The following CLTC variants were observed in gnomAD, a reference collection of about 807,000 sequenced individuals.
CLTC encodes clathrin heavy chain 1.
A neutral mutation model predicts 195.8 loss-of-function variants in CLTC; 16 were observed. The ratio of observed to expected loss-of-function variants is 0.08; its 90% CI spans 0.06 to 0.12. The LOEUF is 0.12. Ranked by LOEUF, CLTC falls within the 10% of genes least tolerant of loss-of-function variation. CLTC has a pLI of 1.00. For synonymous variants in CLTC, 667 were observed against 689.4 expected, an observed-to-expected ratio of 0.97 and a Z score of 0.51; for missense variants, 796 against 2,027.0, an observed-to-expected ratio of 0.39 and a Z score of 11.66.
chr17:59,637,533 C>T lies in CLTC; in HGVS notation c.43-6743C>T, dbSNP rs1405012548. Among the ~76,000 whole-genome samples, 16 of 143,618 alleles carry T rather than the reference C, an allele frequency of 1.1e-4. No individual in the cohort carries two copies. The East Asian group carries it at 1.3e-3, about 11-fold the overall frequency. The allele number at this position is 143,618 out of a possible 152,430, so 94.2% of individuals were successfully genotyped here. ...TGCTGGGATTACAGGCATGAGCCACCGTGCCCAGCCTGAAGTTTCTTAAAA... is the reference window on the plus strand; with the variant it reads ...TGCTGGGATTACAGGCATGAGCCACTGTGCCCAGCCTGAAGTTTCTTAAAA... On this transcript the variant is annotated intron_variant, in intron 1 of 31. Coordinates refer to ENST00000269122, the MANE Select transcript of CLTC (RefSeq NM_004859.4).
chr17:59,646,452 C>G (rs984366871), intron 2 of CLTC, among the ~76,000 whole-genome samples: 1 of 138,336 alleles, frequency 7.2e-6, no homozygotes, highest in Non-Finnish European at 1.5e-5. Context: ...TATGTTTTGC[C>G]CCCCTTCTTT....
At position 59,685,766 on chromosome 17, in the gene CLTC, C is replaced by G. The variant is rs1567973032; in HGVS notation, c.4785C>G (p.Ala1595=). The G allele has an allele frequency of 1.2e-6, 2 of 1,613,938 alleles. No individual in the cohort carries two copies. The highest frequency in any genetic ancestry group is 2.7e-5 in the African/African-American group (2 of 74,908). ...TAWRHNIMDF[A]MPYFIQVMKE... ...GGAGGCACAATATCATGGATTTTGC[C>G]ATGCCCTATTTCATCCAGGTCATGA... The change falls in exon 30 of 32, where the codon GCC becomes GCG. Residue 1595 remains alanine (A), a synonymous_variant. Transcript: ENST00000269122. The surrounding 1 kb of genome is among the most constrained non-coding windows in gnomAD (Gnocchi z 5.0).
rs1451424896 is a variant in CLTC, at chr17:59,696,530, A to T, written c.*2678A>T. On this transcript the variant is annotated 3_prime_UTR_variant, in exon 32 of 32. Transcript: ENST00000269122. ...TATCCTCCTAAAAGAAGGCTTAAAT[A>T]GTTTCTAACAAGATGACTATCAGGA... The T allele has an allele frequency of 4.7e-6, 1 of 214,466 alleles. No homozygotes were observed. Among genetic ancestry groups the T allele is most frequent in the African/African-American group, 2.3e-5 (1 of 44,294 alleles). The allele number at this position is 214,466 out of a possible 1,614,324, so 13.3% of individuals were successfully genotyped here. A position where few individuals can be genotyped will look rare whatever the true frequency, so the allele number is the denominator to read the frequency against.
chr17:59,689,430 T>C (rs1484385452), intron 30 of CLTC: 1 of 152,206 alleles, frequency 6.6e-6, no homozygotes, highest in Non-Finnish European at 1.5e-5. Flanking sequence ...ACAATTTTTT[T>C]TTTTGAGTGA....
rs562858554 is a variant in CLTC, at chr17:59,681,187, C to G, written c.3066-108C>G. The stretch of plus-strand genomic sequence containing the variant: ...TTCTCACTCTTCTAATATCCTCCCC[C>G]CTACCCTACCTCTTGAGACAAAAAC... On this transcript the variant is annotated intron_variant, in intron 19 of 31. Transcript: ENST00000269122. The surrounding 1 kb of genome is among the most constrained non-coding windows in gnomAD (Gnocchi z 5.0). 241 of 1,438,312 alleles carry G rather than the reference C, an allele frequency of 1.7e-4. No homozygotes were observed. The highest frequency in any genetic ancestry group is 4.3e-4 in the Admixed American group (21 of 49,148). 89.1% of individuals were successfully genotyped at this position (1,438,312 alleles called of 1,614,324 possible). A position where few individuals can be genotyped will look rare whatever the true frequency, so the allele number is the denominator to read the frequency against.
At position 59,685,853 on chromosome 17, in the gene CLTC, T is replaced by A; in HGVS notation, c.4827+45T>A. Reference sequence around the variant, plus strand: ...TATTCAGAACTAGTTTCCTTGCATGTAAAATTCTACATGCACATTAATTTT... The same window carrying A: ...TATTCAGAACTAGTTTCCTTGCATGAAAAATTCTACATGCACATTAATTTT... On this transcript the variant is annotated intron_variant, in intron 30 of 31. Transcript: ENST00000269122. The surrounding 1 kb of genome is among the most constrained non-coding windows in gnomAD (Gnocchi z 5.0). 1 of 1,394,368 alleles carries A rather than the reference T, an allele frequency of 7.2e-7. No homozygotes were observed. The highest frequency in any genetic ancestry group is 9.8e-7 in the Non-Finnish European group (1 of 1,020,430). 86.4% of individuals were successfully genotyped at this position (1,394,368 alleles called of 1,614,324 possible).
intron 1 of CLTC, among the ~76,000 whole-genome samples, chr17:59,636,932 CT>C (rs771908096): frequency 0.11 from 11,493 of 103,700 alleles, 321 homozygotes; most frequent in Middle Eastern, 0.21. Flanking sequence ...CCGGCTAATT[CT>C]TTTTTTTTTT....
chr17:59,636,796 CTT>C (rs776534825), intron 1 of CLTC, among the ~76,000 whole-genome samples: 3 of 150,402 alleles, frequency 2.0e-5, no homozygotes, highest in Admixed American at 6.6e-5. Flanking sequence ...GAGTTTCACT[CTT>C]GTTGCCCAGG....
chr17:59,629,518 A>ATTT lies in CLTC; in HGVS notation c.42+9363_42+9365dup, dbSNP rs5821273. Among the ~76,000 whole-genome samples the ATTT allele has an allele frequency of 8.2e-3, 1,034 of 126,018 alleles. 32 individuals carry two copies. The highest frequency in any genetic ancestry group is 0.016 in the East Asian group (69 of 4,372). The allele number at this position is 126,018 out of a possible 152,430, so 82.7% of individuals were successfully genotyped here. A position where few individuals can be genotyped will look rare whatever the true frequency, so the allele number is the denominator to read the frequency against. ...TTCGGGCATGTTTCTAGAGATCATAATTTTTTTTTTTTTTTTTTTTGAGAT... is the reference window on the plus strand; with the variant it reads ...TTCGGGCATGTTTCTAGAGATCATAATTTTTTTTTTTTTTTTTTTTTTTGAGAT... On this transcript the variant is annotated intron_variant, in intron 1 of 31. Transcript: ENST00000269122.
intron 31 of CLTC, 79 bp downstream of exon 31, chr17:59,690,790 C>T (rs1182225906): frequency 5.3e-5 from 58 of 1,091,726 alleles, no homozygotes; most frequent in Non-Finnish European, 7.9e-5. Flanking sequence ...AAATAGAATA[C>T]AACAAGCTTC....
rs1266241197 is a variant in CLTC at position 59,695,564 on chromosome 17, C to T, written c.*1712C>T. 1 of 178,284 alleles carries T rather than the reference C, an allele frequency of 5.6e-6. No homozygotes were observed. The highest frequency in any genetic ancestry group is 1.2e-5 in the Non-Finnish European group (1 of 83,182). 11.0% of individuals were successfully genotyped at this position (178,284 alleles called of 1,614,324 possible). ...TAGCTGCTACTCAGGAGGCAGGAGGCTGAGGCATGAGAATCACTTGAACCT... is the reference window on the plus strand; with the variant it reads ...TAGCTGCTACTCAGGAGGCAGGAGGTTGAGGCATGAGAATCACTTGAACCT... On this transcript the variant is annotated 3_prime_UTR_variant, in exon 32 of 32. Coordinates refer to ENST00000269122, the MANE Select transcript of CLTC (RefSeq NM_004859.4).
chr17:59,661,349 T>C, intron 7 of CLTC, 94 bp from the exon 8 acceptor site: 1 of 895,002 alleles, frequency 1.1e-6, no homozygotes, highest in South Asian at 1.4e-5. Context: ...CTCTACAGGG[T>C]GTTTAGTGTG....
At position 59,648,057 on chromosome 17, in the gene CLTC, CAA is replaced by C; in HGVS notation, c.520-182_520-181del. 6.6e-6 allele frequency among the ~76,000 whole-genome samples: 1 copy of C among 152,106 alleles called. No homozygotes were observed. The highest frequency in any genetic ancestry group is 1.5e-5 in the Non-Finnish European group (1 of 68,008). On this transcript the variant is annotated intron_variant, in intron 3 of 31. Coordinates refer to ENST00000269122, the MANE Select transcript of CLTC (RefSeq NM_004859.4). The surrounding 1 kb of genome is among the most constrained non-coding windows in gnomAD (Gnocchi z 4.5). ...TTTAAACATTTATGTTAGGCTTTAACAAGATAATGTTTGGGGCTGATTTTAAG... is the reference window on the plus strand; with the variant it reads ...TTTAAACATTTATGTTAGGCTTTAACGATAATGTTTGGGGCTGATTTTAAG...
chr17:59,662,865 A>G (rs921926956), intron 8 of CLTC, among the ~76,000 whole-genome samples: 3 of 152,222 alleles, frequency 2.0e-5, no homozygotes, highest in African/African-American at 7.2e-5. Context: ...ACTTGATGCA[A>G]AGAGTTTGAG....
intron 5 of CLTC, among the ~76,000 whole-genome samples, chr17:59,651,919 A>G (rs940786120): frequency 2.0e-5 from 3 of 152,214 alleles, no homozygotes; most frequent in African/African-American, 4.8e-5. Context: ...CCCACAGTAG[A>G]TCTTTCAGAA....
intron 31 of CLTC, among the ~76,000 whole-genome samples, chr17:59,692,813 T>C (rs2033337410): frequency 1.3e-5 from 2 of 152,084 alleles, no homozygotes; most frequent in Admixed American, 1.3e-4. Flanking sequence ...ATTTTTTTTG[T>C]ATTTTTAGTA....
Position 59,683,884 on chromosome 17 carries a change from C to T in CLTC, c.4333C>T (p.Leu1445=), listed in dbSNP as rs1164687297. Residue 1445 remains leucine (L), a synonymous_variant, in exon 28 of 32, where the codon CTA becomes TTA. Transcript: ENST00000269122. The surrounding 1 kb of genome is among the most constrained non-coding windows in gnomAD (Gnocchi z 6.1). The part of the protein sequence containing the change: ...AVNYFSKVKQ[L]PLVKPYLRSV... Reference sequence around the variant, plus strand: ...ACTCTTTATTTTAAAGGTTAAACAGCTACCACTGGTGAAACCGTATTTGCG... The same window carrying T: ...ACTCTTTATTTTAAAGGTTAAACAGTTACCACTGGTGAAACCGTATTTGCG... 4 of 1,613,274 alleles carry T rather than the reference C, an allele frequency of 2.5e-6. No homozygotes were observed. Among genetic ancestry groups the T allele is most frequent in the Non-Finnish European group, 3.4e-6 (4 of 1,179,300 alleles).
intron 9 of CLTC, 183 bp from the exon 10 acceptor site, chr17:59,664,603 TA>T: frequency 2.1e-6 from 1 of 484,834 alleles, no homozygotes; most frequent in Non-Finnish European, 3.5e-6. Flanking sequence ...AAGCCAGTTA[TA>T]AAAATTGACA....
At position 59,681,639 on chromosome 17, in the gene CLTC, A is replaced by T. The variant is rs781076078; in HGVS notation, c.3250-8A>T. On this transcript the variant is annotated splice_polypyrimidine_tract_variant and splice_region_variant and intron_variant, in intron 20 of 31. Transcript: ENST00000269122. This position sits in a 1 kb window ranked among gnomAD's most constrained non-coding sequence, Gnocchi z 5.0. ...ACTCTAACCCTAATTTCAAACTTGG[A>T]TACTTAGGTCTTAATTGAGCATATT... 6.2e-7 allele frequency: 1 copy of T among 1,603,790 alleles called. No individual in the cohort carries two copies. Among genetic ancestry groups the T allele is most frequent in the South Asian group, 1.1e-5 (1 of 90,314 alleles).
Sources: gnomAD v4.1 joint callset for allele counts (sites outside exome capture counted in the v4.1 genomes callset) on GRCh38, gnomAD v4.1.1 for gene constraint, Gnocchi (gnomAD v3.1) non-coding constraint, MANE v1.5 for transcripts, NCBI Gene and HGNC (gene_info 2026-07-23, HGNC 2026-07-21) for gene names.